DEK: variants seen among roughly 807,000 people sequenced by gnomAD.
DEK encodes the protein protein DEK.
In DEK, 28 loss-of-function variants were observed where a neutral mutation model predicts 46.8. The ratio of observed to expected loss-of-function variants is 0.60; its 90% CI spans 0.44 to 0.82. The LOEUF is 0.82. DEK is among the 40% of genes least tolerant of loss of function. The pLI is 0.00. For synonymous variants in DEK, 160 were observed against 144.5 expected (o/e 1.11, Z -0.77); for missense variants, 416 against 430.6 (o/e 0.97, Z 0.30).
chr6:18,254,193 T>C (rs1190503952), intron 6 of DEK, among the ~76,000 whole-genome samples: 3 of 152,018 alleles, frequency 2.0e-5, no homozygotes, highest in East Asian at 3.9e-4. Context: ...TAGCCAGGTA[T>C]GGTGGCACAC....
At chr6:18,227,477 T>A (rs1790192349) in intron 9 of DEK, among the ~76,000 whole-genome samples, 1 of 152,124 alleles carries the variant, frequency 6.6e-6, no homozygotes, top group South Asian at 2.1e-4. Flanking sequence ...TCCACTATTA[T>A]CCTATGACCC....
In DEK at chr6:18,252,509, C is replaced by CAAAAAAAAAA. The variant is rs61626818; in HGVS notation, c.574-2680_574-2671dup. On this transcript the variant is annotated intron_variant, in intron 6 of 10. Transcript: ENST00000652689. ...AGGCAACAGAGTAAAACGCTGTCTC[C>CAAAAAAAAAA]AAAAAAAAAAAAAAAAAAAAAAAAA... Among the ~76,000 whole-genome samples the CAAAAAAAAAA allele has an allele frequency of 2.0e-3, 59 of 29,132 alleles. 4 individuals carry two copies. The highest frequency in any genetic ancestry group is 6.0e-3 in the South Asian group (3 of 504). The allele number at this position is 29,132 out of a possible 152,430, so 19.1% of individuals were successfully genotyped here.
chr6:18,226,030 G>C, intron 10 of DEK, 144 bp downstream of exon 10: 1 of 850,050 alleles, frequency 1.2e-6, no homozygotes, highest in South Asian at 2.5e-5. Flanking sequence ...GGAATGAGAA[G>C]AAATAAATTT....
At chr6:18,231,528 G>T (rs1278872257) in intron 9 of DEK, among the ~76,000 whole-genome samples, 1 of 152,132 alleles carries the variant, frequency 6.6e-6, no homozygotes, top group East Asian at 1.9e-4. Context: ...AAATGATAAA[G>T]GGGATATCAC....
chr6:18,226,779 A>AAG (rs1181228852), intron 9 of DEK, among the ~76,000 whole-genome samples: 1 of 152,154 alleles, frequency 6.6e-6, no homozygotes. Context: ...GGGGAAAAGA[A>AAG]AGAGAGATCA....
intron 9 of DEK, among the ~76,000 whole-genome samples, chr6:18,226,894 CAT>C (rs1467447939): frequency 7.2e-5 from 11 of 152,354 alleles, no homozygotes; most frequent in South Asian, 2.1e-4. Flanking sequence ...CTCTCTGAAA[CAT>C]GTGCTGTGTC....
At chr6:18,258,690 C>T (rs1791709420) in intron 2 of DEK, among the ~76,000 whole-genome samples, 1 of 151,804 alleles carries the variant, frequency 6.6e-6, no homozygotes, top group African/African-American at 2.4e-5. Context: ...AAATTATTGC[C>T]ATTACAGTCC....
chr6:18,255,353 C>T (rs1791554401), intron 6 of DEK, among the ~76,000 whole-genome samples: 1 of 152,086 alleles, frequency 6.6e-6, no homozygotes, highest in South Asian at 2.1e-4. Flanking sequence ...TAATATACTC[C>T]CTATTTTGTC....
intron 2 of DEK, among the ~76,000 whole-genome samples, chr6:18,262,980 T>C (rs1412508480): frequency 6.6e-6 from 1 of 152,084 alleles, no homozygotes; most frequent in Non-Finnish European, 1.5e-5. Flanking sequence ...TTCCCAAGTG[T>C]GGCTGAGTCG....
At position 18,224,671 on chromosome 6, in the gene DEK, A is replaced by G. The variant is rs1255549297; in HGVS notation, c.*1048T>C. On this transcript the variant is annotated 3_prime_UTR_variant, in exon 11 of 11. Coordinates refer to ENST00000652689, the MANE Select transcript of DEK (RefSeq NM_003472.4). Reference sequence around the variant, plus strand: ...CAGAGACATCCACGATTGCCTGCACATTATATTCTGGCATTATAATCTGGT... The same window carrying G: ...CAGAGACATCCACGATTGCCTGCACGTTATATTCTGGCATTATAATCTGGT... 4.8e-6 allele frequency: 1 copy of G among 210,380 alleles called. No homozygotes were observed. Among genetic ancestry groups the G allele is most frequent in the Non-Finnish European group, 9.6e-6 (1 of 103,650 alleles). 13.0% of individuals were successfully genotyped at this position (210,380 alleles called of 1,614,324 possible).
intron 5 of DEK, 24 bp downstream of exon 5, chr6:18,256,337 A>G (rs748536591): frequency 1.3e-6 from 2 of 1,565,126 alleles, no homozygotes; most frequent in Non-Finnish European, 1.8e-6. Context: ...TGATCAAAAT[A>G]CAGTATTTAT....
intron 9 of DEK, among the ~76,000 whole-genome samples, chr6:18,227,291 T>TC (rs1790182670): frequency 1.3e-5 from 2 of 152,110 alleles, no homozygotes; most frequent in Admixed American, 6.6e-5. Context: ...GATTGTACGT[T>TC]CCATCTACTG....
At position 18,230,221 on chromosome 6, in the gene DEK, G is replaced by A. The variant is rs547795694; in HGVS notation, c.1048-3979C>T. Among the ~76,000 whole-genome samples the A allele has an allele frequency of 8.5e-5, 13 of 152,244 alleles. No individual in the cohort carries two copies. In the East Asian group the frequency reaches 1.7e-3, roughly 20 times the overall value. ...CCAGGCCTGCCTTACAAGAGCTCCTGAAGGAAGCACTAAACATGGAAAGGA... is the reference window on the plus strand; with the variant it reads ...CCAGGCCTGCCTTACAAGAGCTCCTAAAGGAAGCACTAAACATGGAAAGGA... On this transcript the variant is annotated intron_variant, in intron 9 of 10. Transcript: ENST00000652689.
intron 2 of DEK, among the ~76,000 whole-genome samples, chr6:18,261,215 G>T (rs1791846993): frequency 6.6e-6 from 1 of 152,144 alleles, no homozygotes; most frequent in Admixed American, 6.5e-5. Context: ...TGCTCTGGAT[G>T]CCAGACATGC....
chr6:18,234,843 C>G (rs1790578641), intron 9 of DEK, among the ~76,000 whole-genome samples: 1 of 152,136 alleles, frequency 6.6e-6, no homozygotes, highest in South Asian at 2.1e-4. Context: ...CCAAAGACAG[C>G]TGCTTGAAAC....
intron 9 of DEK, among the ~76,000 whole-genome samples, chr6:18,231,179 C>T (rs569438392): frequency 4.6e-5 from 7 of 152,100 alleles, no homozygotes; most frequent in South Asian, 4.2e-4. Flanking sequence ...ATGAGAAAAA[C>T]GACACAACAT....
In DEK at chr6:18,250,350, C is replaced by G. The variant is rs571756445; in HGVS notation, c.574-511G>C. Reference sequence around the variant, plus strand: ...CGGGCGTGGTGGCGGGCGCCTGTAGCCCCAGCTACTCGGGAGGCTGAGGCA... The same window carrying G: ...CGGGCGTGGTGGCGGGCGCCTGTAGGCCCAGCTACTCGGGAGGCTGAGGCA... On this transcript the variant is annotated intron_variant, in intron 6 of 10. Transcript: ENST00000652689. Among the ~76,000 whole-genome samples, 18 of 151,826 alleles carry G rather than the reference C, an allele frequency of 1.2e-4. No individual in the cohort carries two copies. In the South Asian group the frequency reaches 3.7e-3, roughly 32 times the overall value.
rs2151089120 is a variant in DEK at position 18,249,817 on chromosome 6, GT to G, written c.595del (p.Thr199LeufsTer79). 2 of 1,596,338 alleles carry G rather than the reference GT, an allele frequency of 1.3e-6. No homozygotes were observed. The highest frequency in any genetic ancestry group is 1.2e-5 in the South Asian group (1 of 86,708). Reference protein sequence around the residue: ...SGKPLPKSKKTCSKGSKKERN... With the variant: ...SGKPLPKSKKXCSKGSKKERN... ...TTCCTTTTTACTGCCTTTGCTACAA[GT>G]TTTTTTAGATTTCGGCAATGGCTGC... On this transcript the variant is annotated frameshift_variant, in exon 7 of 11. Coordinates refer to ENST00000652689, the MANE Select transcript of DEK (RefSeq NM_003472.4). LOFTEE classifies it high-confidence loss of function.
At position 18,248,399 on chromosome 6, in the gene DEK, TGAA is replaced by T; in HGVS notation, c.762+1249_762+1251del. ...CAGTAGACACCAAATATTTCCTGAA[TGAA>T]GATACTATCAGTTTAAAAATTTCCA... is the stretch of plus-strand genomic sequence containing the variant. On this transcript the variant is annotated intron_variant, in intron 7 of 10. Transcript: ENST00000652689. 3.3e-5 allele frequency among the ~76,000 whole-genome samples: 5 copies of T among 152,318 alleles called. 1 individual carries two copies. The East Asian group carries it at 9.6e-4, about 29-fold the overall frequency.
Sources: allele counts gnomAD v4.1 joint callset (sites outside exome capture counted in the v4.1 genomes callset), GRCh38; gene constraint gnomAD v4.1.1; transcripts MANE v1.5; gene names NCBI Gene and HGNC (gene_info 2026-07-23, HGNC 2026-07-21).